Variants in DYRK1A observed in about 807,000 individuals in gnomAD.
DYRK1A encodes dual specificity tyrosine-phosphorylation-regulated kinase 1A.
DYRK1A carries 9 observed loss-of-function variants against 79.7 expected under a neutral mutation model. That is an observed-to-expected ratio of 0.11 (90% CI 0.07 to 0.20). The LOEUF is 0.20. DYRK1A is among the 10% of genes least tolerant of loss of function. The pLI, the probability that DYRK1A is intolerant of heterozygous loss-of-function variation, is 1.00. For missense variants in DYRK1A, 622 were observed against 956.0 expected (o/e 0.65, Z 4.61); for synonymous variants, 349 against 329.7 (o/e 1.06, Z -0.63).
chr21:37,366,545 G>A (rs935337087), upstream of DYRK1A, among the ~76,000 whole-genome samples: 5 of 146,758 alleles, frequency 3.4e-5, no homozygotes, highest in Admixed American at 6.8e-5. Flanking sequence ...GGCGAATCAC[G>A]CGCCCTCCTC....
chr21:37,411,798 A>T (rs2050250482), intron 1 of DYRK1A, among the ~76,000 whole-genome samples: 1 of 152,212 alleles, frequency 6.6e-6, no homozygotes, highest in African/African-American at 2.4e-5. Flanking sequence ...CTCTTCTGAG[A>T]TAACTATTAT....
intron 1 of DYRK1A, chr21:37,415,689 A>G (rs1021506987): frequency 6.6e-6 from 1 of 151,762 alleles, no homozygotes. Flanking sequence ...CTGGTCTCCA[A>G]CTCCTGGTCT....
chr21:37,478,427 CTAA>C, intron 4 of DYRK1A, 127 bp downstream of exon 4: 1 of 660,944 alleles, frequency 1.5e-6, no homozygotes, highest in African/African-American at 1.9e-5. Flanking sequence ...ATTATGAAGA[CTAA>C]TGATTTAGAA....
chr21:37,385,325 G>A (rs1422549268), intron 1 of DYRK1A, among the ~76,000 whole-genome samples: 1 of 152,138 alleles, frequency 6.6e-6, no homozygotes, highest in Non-Finnish European at 1.5e-5. Flanking sequence ...TAAAGATGTT[G>A]GCTGAGGCTG....
At chr21:37,475,354 C>T (rs1167804216) in intron 3 of DYRK1A, among the ~76,000 whole-genome samples, 1 of 152,196 alleles carries the variant, frequency 6.6e-6, no homozygotes, top group East Asian at 1.9e-4. Flanking sequence ...TATTACTGTA[C>T]ATTCTCTTGA....
At chr21:37,491,933 A>G (rs1293107295) in intron 7 of DYRK1A, among the ~76,000 whole-genome samples, 2 of 152,236 alleles carry the variant, frequency 1.3e-5, no homozygotes, top group African/African-American at 4.8e-5. Flanking sequence ...ATAGACCTGC[A>G]GTGGTCCTGC....
chr21:37,379,264 T>C (rs2049609575), intron 1 of DYRK1A, among the ~76,000 whole-genome samples: 1 of 152,114 alleles, frequency 6.6e-6, no homozygotes. Context: ...ATTCTAGATG[T>C]AATGTATAGG....
chr21:37,453,472 CAGG>C (rs1278893642), intron 2 of DYRK1A, among the ~76,000 whole-genome samples: 1 of 151,800 alleles, frequency 6.6e-6, no homozygotes, highest in Admixed American at 6.6e-5. Context: ...CACAGTGAGG[CAGG>C]AGCATATTTT....
chr21:37,375,249 TA>T (rs1464569222), intron 1 of DYRK1A: 5 of 152,222 alleles, frequency 3.3e-5, no homozygotes, highest in Non-Finnish European at 5.9e-5. Context: ...AGTGAATATT[TA>T]AAGGTGAAAA....
chr21:37,499,221 GTTT>G (rs1348294942), intron 9 of DYRK1A, among the ~76,000 whole-genome samples: 1 of 152,008 alleles, frequency 6.6e-6, no homozygotes, highest in Non-Finnish European at 1.5e-5. Flanking sequence ...TCTTCTAAAA[GTTT>G]TTTATTTTTA....
intron 7 of DYRK1A, among the ~76,000 whole-genome samples, chr21:37,492,072 G>A (rs2053116040): frequency 6.6e-6 from 1 of 152,198 alleles, no homozygotes; most frequent in Non-Finnish European, 1.5e-5. Flanking sequence ...AAAAGTCTCA[G>A]GAGTGGTGAG....
At chr21:37,457,189 C>T (rs576688162) in intron 2 of DYRK1A, among the ~76,000 whole-genome samples, 3 of 151,984 alleles carry the variant, frequency 2.0e-5, no homozygotes, top group East Asian at 1.9e-4. Flanking sequence ...TCTCAGACTC[C>T]GGAGTAGCTG....
intron 1 of DYRK1A, among the ~76,000 whole-genome samples, chr21:37,407,554 A>G (rs1321031051): frequency 6.6e-6 from 1 of 152,188 alleles, no homozygotes; most frequent in African/African-American, 2.4e-5. Context: ...ACTTTCAGAT[A>G]CTCATAAGTA....
At chr21:37,453,870 T>C (rs996507061) in intron 2 of DYRK1A, among the ~76,000 whole-genome samples, 1 of 152,152 alleles carries the variant, frequency 6.6e-6, no homozygotes, top group African/African-American at 2.4e-5. Context: ...ACATCTTTAC[T>C]TTGGTATCAC....
intron 5 of DYRK1A, among the ~76,000 whole-genome samples, chr21:37,485,013 T>C (rs2148596095): frequency 6.6e-6 from 1 of 152,330 alleles, no homozygotes; most frequent in East Asian, 1.9e-4. Context: ...GATTTCTCCA[T>C]TTCCGTAGCC....
chr21:37,398,892 C>T (rs2050005899), intron 1 of DYRK1A, among the ~76,000 whole-genome samples: 1 of 150,092 alleles, frequency 6.7e-6, no homozygotes. Context: ...CAGCTTGAGA[C>T]AGGAGGAGAA....
At position 37,520,885 on chromosome 21, in the gene DYRK1A, T is replaced by C. The variant is rs1412731403; in HGVS notation, c.*8354T>C. The C allele has an allele frequency of 1.3e-5, 2 of 152,272 alleles. No individual in the cohort carries two copies. Among genetic ancestry groups the C allele is most frequent in the African/African-American group, 2.4e-5 (1 of 41,464 alleles). The allele number at this position is 152,272 out of a possible 1,614,324, so 9.4% of individuals were successfully genotyped here. The stretch of plus-strand genomic sequence containing the variant: ...GAGTCCTGGATTCCTCCAGGACTGC[T>C]ACTGTATTCCAATTGAGTGGTGGTT... On this transcript the variant is annotated 3_prime_UTR_variant, in exon 12 of 12. Coordinates refer to ENST00000647188, the MANE Select transcript of DYRK1A (RefSeq NM_001347721.2).
chr21:37,397,966 A>G (rs1187548902), intron 1 of DYRK1A, among the ~76,000 whole-genome samples: 3 of 151,894 alleles, frequency 2.0e-5, no homozygotes, highest in Non-Finnish European at 4.4e-5. Flanking sequence ...GACTGGGCAC[A>G]GTGGCTCACA....
In DYRK1A at chr21:37,367,122, AGTGTGCGGGT is replaced by A. The variant is rs1389622886; in HGVS notation, c.-575_-566del. 2 of 149,558 alleles carry A rather than the reference AGTGTGCGGGT, an allele frequency of 1.3e-5. No individual in the cohort carries two copies. Among genetic ancestry groups the A allele is most frequent in the Non-Finnish European group, 2.9e-5 (2 of 67,898 alleles). The allele number at this position is 149,558 out of a possible 1,614,324, so 9.3% of individuals were successfully genotyped here. ...GTGTGCGAGGGCGATTGTGCGCGCGAGTGTGCGGGTGTGTGCGAGTGTCTGTCTGTCTGTG... is the reference window on the plus strand; with the variant it reads ...GTGTGCGAGGGCGATTGTGCGCGCGAGTGTGCGAGTGTCTGTCTGTCTGTG... On this transcript the variant is annotated 5_prime_UTR_variant, in exon 1 of 12. Coordinates refer to ENST00000647188, the MANE Select transcript of DYRK1A (RefSeq NM_001347721.2).
Sources: allele counts gnomAD v4.1 joint callset (sites outside exome capture counted in the v4.1 genomes callset), GRCh38; gene constraint gnomAD v4.1.1; transcripts MANE v1.5; gene names NCBI Gene and HGNC (gene_info 2026-07-23, HGNC 2026-07-21).